The following KAZN variants were observed in gnomAD, a reference collection of about 807,000 sequenced individuals.
The protein encoded by KAZN is kazrin, periplakin interacting protein, also known as kazrin.
Under a neutral mutation model 87.4 loss-of-function variants are expected in KAZN, and 40 were observed. The ratio of observed to expected loss-of-function variants is 0.46; its 90% CI spans 0.36 to 0.60. The LOEUF is 0.60. Among genes scored for constraint, KAZN ranks in the 20% least tolerant of loss-of-function variants. The pLI is 0.00. For missense variants in KAZN, 898 were observed against 1,073.9 expected, an observed-to-expected ratio of 0.84 and a Z score of 2.29; for synonymous variants, 466 against 458.3, an observed-to-expected ratio of 1.02 and a Z score of -0.22.
intron 2 of KAZN, among the ~76,000 whole-genome samples, chr1:14,548,463 T>A (rs1355403960): frequency 6.6e-6 from 1 of 152,164 alleles, no homozygotes; most frequent in Non-Finnish European, 1.5e-5. Context: ...CCTCCAAAAG[T>A]GCTGCGATTA....
chr1:14,599,221 A>T lies in KAZN; in HGVS notation c.224A>T (p.Gln75Leu). The change falls in exon 1 of 15, where the codon CAA (glutamine) becomes CTA (leucine). Residue 75 changes from glutamine to leucine, a missense_variant and splice_region_variant. Physicochemically the swap from Gln to Leu is moderately radical, Grantham distance 113 (BLOSUM62 -2). Coordinates refer to ENST00000376030, the MANE Select transcript of KAZN (RefSeq NM_201628.3). The surrounding 1 kb of genome is among the most constrained non-coding windows in gnomAD (Gnocchi z 4.4). ...ATGGAGAACCCCCAGCTTGGAGCGC[A>T]AGGTAGGATCGCCCCGGCGCCCAGG... ...TNMENPQLGA[Q>L]VLLREEVSRL... The T allele has an allele frequency of 7.2e-7, 1 of 1,383,714 alleles. No homozygotes were observed. The allele number at this position is 1,383,714 out of a possible 1,614,324, so 85.7% of individuals were successfully genotyped here.
chr1:15,041,341 T>TG (rs1553178781), intron 3 of KAZN, among the ~76,000 whole-genome samples: 5 of 146,586 alleles, frequency 3.4e-5, no homozygotes, highest in Non-Finnish European at 7.5e-5. Flanking sequence ...CTTTTTTTTT[T>TG]TTTTTGTTTT....
intron 2 of KAZN, among the ~76,000 whole-genome samples, chr1:14,512,327 G>A (rs2148446798): frequency 6.6e-6 from 1 of 152,246 alleles, no homozygotes; most frequent in East Asian, 1.9e-4. Context: ...ATTCTTTGTT[G>A]TGGGGCGCAT....
chr1:15,100,222 G>A lies in KAZN; in HGVS notation c.1548-1321G>A, dbSNP rs1025797238. Among the ~76,000 whole-genome samples the A allele has an allele frequency of 3.3e-5, 5 of 152,150 alleles. No individual in the cohort carries two copies. In the South Asian group the frequency reaches 6.2e-4, roughly 19 times the overall value. On this transcript the variant is annotated intron_variant, in intron 10 of 14. Transcript: ENST00000376030. ...AGGGGAAGGGGTTAGGAGGGAAGAG[G>A]AGCCCATTGTATGGCAGCATGTACC...
intron 1 of KAZN, among the ~76,000 whole-genome samples, chr1:14,920,497 C>G (rs775919592): frequency 5.3e-5 from 8 of 151,882 alleles, no homozygotes; most frequent in African/African-American, 1.9e-4. Context: ...ACCCCCAAAT[C>G]CCCCCTTCCT....
intron 2 of KAZN, among the ~76,000 whole-genome samples, chr1:15,000,709 G>A (rs578104218): frequency 2.0e-5 from 3 of 152,110 alleles, no homozygotes; most frequent in East Asian, 1.9e-4. Context: ...TTACTCAGCC[G>A]TGTATATTGT....
In KAZN at chr1:14,044,511, G is replaced by A. The variant is rs370406809; in HGVS notation, c.92-135924G>A. Among the ~76,000 whole-genome samples, 11 of 152,086 alleles carry A rather than the reference G, an allele frequency of 7.2e-5. No homozygotes were observed. The East Asian group carries it at 7.7e-4, about 11-fold the overall frequency. The stretch of plus-strand genomic sequence containing the variant: ...CTACTATGGGATACTGATGAAGAGC[G>A]GATGAATTAATATATATAAATAAGT... On this transcript the variant is annotated intron_variant, in intron 1 of 16. Coordinates refer to the KAZN transcript ENST00000636203.
chr1:14,480,147 A>G (rs1225088318), intron 2 of KAZN, among the ~76,000 whole-genome samples: 2 of 152,236 alleles, frequency 1.3e-5, no homozygotes, highest in African/African-American at 4.8e-5. Flanking sequence ...CAGCCTTCCC[A>G]TGTCACAGAT....
At chr1:14,955,032 A>C (rs927671478) in intron 1 of KAZN, among the ~76,000 whole-genome samples, 1 of 152,202 alleles carries the variant, frequency 6.6e-6, no homozygotes, top group Admixed American at 6.5e-5. Flanking sequence ...TGAGGGGAGA[A>C]ACACAAAATC....
intron 1 of KAZN, among the ~76,000 whole-genome samples, chr1:13,919,834 C>T (rs1198365679): frequency 6.6e-6 from 1 of 152,188 alleles, no homozygotes; most frequent in East Asian, 1.9e-4. Context: ...TAATATTTCT[C>T]ATAGGCCACC....
At chr1:14,883,556 G>A (rs562291194) in intron 1 of KAZN, among the ~76,000 whole-genome samples, 1 of 148,216 alleles carries the variant, frequency 6.7e-6, no homozygotes, top group East Asian at 2.0e-4. Context: ...ATCTTCACAC[G>A]CTCCTCCCAT....
intron 1 of KAZN, among the ~76,000 whole-genome samples, chr1:14,826,921 C>T (rs1359938654): frequency 2.0e-5 from 3 of 152,214 alleles, no homozygotes; most frequent in African/African-American, 7.2e-5. Context: ...CAGATCCTGG[C>T]TCGGCGGCTG....
chr1:14,333,201 G>A (rs1255483848), intron 2 of KAZN, among the ~76,000 whole-genome samples: 1 of 152,100 alleles, frequency 6.6e-6, no homozygotes, highest in Non-Finnish European at 1.5e-5. Flanking sequence ...CCATGTCCCT[G>A]CAAGGGACAT....
intron 1 of KAZN, among the ~76,000 whole-genome samples, chr1:14,721,862 G>A (rs146941020): frequency 1.3e-5 from 2 of 152,214 alleles, no homozygotes; most frequent in East Asian, 3.9e-4. Flanking sequence ...GTTAAAAATG[G>A]TAAGGAATAG....
chr1:13,929,047 CTTTTTTT>C (rs33984927), intron 1 of KAZN, among the ~76,000 whole-genome samples: 7 of 101,538 alleles, frequency 6.9e-5, no homozygotes, highest in Non-Finnish European at 7.6e-5. Context: ...AGCTTCAAGG[CTTTTTTT>C]TTTTTTTTTT....
At chr1:13,969,320 A>G (rs1642055672) in intron 1 of KAZN, among the ~76,000 whole-genome samples, 1 of 152,202 alleles carries the variant, frequency 6.6e-6, no homozygotes. Context: ...ATCATACTAG[A>G]ATAGTGTGGG....
intron 8 of KAZN, among the ~76,000 whole-genome samples, chr1:15,072,211 G>A (rs1163973782): frequency 6.6e-6 from 1 of 152,192 alleles, no homozygotes; most frequent in Non-Finnish European, 1.5e-5. Context: ...TTTGGAGTCT[G>A]AAAAGGGCTG....
At chr1:14,369,606 G>A (rs753772572) in intron 2 of KAZN, among the ~76,000 whole-genome samples, 4 of 152,170 alleles carry the variant, frequency 2.6e-5, no homozygotes, top group African/African-American at 9.7e-5. Context: ...GATGGGTTGC[G>A]AATGATGAAT....
At chr1:14,569,383 C>G (rs1277572827) in intron 2 of KAZN, among the ~76,000 whole-genome samples, 1 of 126,098 alleles carries the variant, frequency 7.9e-6, no homozygotes, top group Non-Finnish European at 1.6e-5. Context: ...AGTGCAGTGG[C>G]GAGATCTCGG....
Sources: allele counts gnomAD v4.1 joint callset (sites outside exome capture counted in the v4.1 genomes callset), GRCh38; gene constraint gnomAD v4.1.1; non-coding constraint Gnocchi (gnomAD v3.1); transcripts MANE v1.5; gene names NCBI Gene and HGNC (gene_info 2026-07-23, HGNC 2026-07-21).